PCDH7: variants seen among roughly 807,000 people sequenced by gnomAD.
PCDH7 encodes the protein protocadherin 7.
In PCDH7, 17 loss-of-function variants were observed where a neutral mutation model predicts 58.9. The observed-to-expected ratio is 0.29, with a 90% CI of 0.20 to 0.43. The LOEUF (loss-of-function observed/expected upper bound fraction) is 0.43, where lower values mean the gene tolerates loss of function less well. Among genes scored for constraint, PCDH7 ranks in the 20% least tolerant of loss-of-function variants. The pLI is 1.00. For missense variants in PCDH7, 1,274 were observed against 1,441.0 expected (o/e 0.88, Z 1.88); for synonymous variants, 664 against 616.4 (o/e 1.08, Z -1.14).
intron 1 of PCDH7, among the ~76,000 whole-genome samples, chr4:30,775,004 A>G (rs1174908259): frequency 1.3e-5 from 2 of 152,208 alleles, no homozygotes; most frequent in African/African-American, 4.8e-5. Flanking sequence ...TTTGTTTTAT[A>G]GAATTTAACT....
intron 1 of PCDH7, among the ~76,000 whole-genome samples, chr4:30,797,953 G>T (rs906671962): frequency 6.6e-6 from 1 of 152,136 alleles, no homozygotes; most frequent in Non-Finnish European, 1.5e-5. Context: ...ACGTGAATCT[G>T]TAACAAATCA....
In PCDH7 at chr4:30,783,537, A is replaced by G. The variant is rs545328704; in HGVS notation, c.70+58941A>G. ...ATAGTGCATGATTTAGTATTGAAGC[A>G]TACCTAATAAAAATAAGAAGAAAAA... On this transcript the variant is annotated intron_variant, in intron 1 of 3. Coordinates refer to the PCDH7 transcript ENST00000509759. Among the ~76,000 whole-genome samples the G allele has an allele frequency of 7.9e-5, 12 of 152,360 alleles. No homozygotes were observed. The East Asian group carries it at 2.1e-3, about 27-fold the overall frequency.
chr4:30,950,790 C>T (rs1578395838), intron 3 of PCDH7, among the ~76,000 whole-genome samples: 3 of 152,184 alleles, frequency 2.0e-5, no homozygotes, highest in South Asian at 4.1e-4. Context: ...CTTTCGTCAA[C>T]TCAGCTGGTG....
At chr4:31,001,619 C>A (rs1752372636) in intron 3 of PCDH7, among the ~76,000 whole-genome samples, 1 of 152,062 alleles carries the variant, frequency 6.6e-6, no homozygotes, top group African/African-American at 2.4e-5. Context: ...GGTTGACACA[C>A]TCATTTATAA....
chr4:30,999,151 A>G (rs1752145424), intron 3 of PCDH7, among the ~76,000 whole-genome samples: 1 of 152,126 alleles, frequency 6.6e-6, no homozygotes, highest in Admixed American at 6.6e-5. Flanking sequence ...GGCCGTGAAT[A>G]CTAATTGTGT....
chr4:30,817,012 T>C (rs1383417578), intron 1 of PCDH7, among the ~76,000 whole-genome samples: 2 of 152,170 alleles, frequency 1.3e-5, no homozygotes, highest in Non-Finnish European at 2.9e-5. Flanking sequence ...ACTGGTCATA[T>C]CAAGAGAAGT....
intron 3 of PCDH7, among the ~76,000 whole-genome samples, chr4:31,037,337 T>A (rs1262581977): frequency 6.6e-6 from 1 of 152,224 alleles, no homozygotes; most frequent in African/African-American, 2.4e-5. Context: ...AATATTTTGC[T>A]TAATTATTAG....
At chr4:30,960,037 A>G (rs1208799743) in intron 3 of PCDH7, among the ~76,000 whole-genome samples, 3 of 151,016 alleles carry the variant, frequency 2.0e-5, no homozygotes, top group Admixed American at 1.3e-4. Flanking sequence ...TAGGTTCCCA[A>G]TGGTTCATGC....
intron 3 of PCDH7, among the ~76,000 whole-genome samples, chr4:31,028,848 A>T (rs929378014): frequency 2.7e-4 from 41 of 152,278 alleles, no homozygotes; most frequent in African/African-American, 8.9e-4. Context: ...GAGATAATAT[A>T]TTTATGAAAA....
At chr4:30,916,984 T>A (rs1052277562) in intron 1 of PCDH7, among the ~76,000 whole-genome samples, 4 of 152,196 alleles carry the variant, frequency 2.6e-5, no homozygotes, top group Admixed American at 2.6e-4. Context: ...TCACGTAAGC[T>A]ATTCTACTTC....
At chr4:31,146,696 ATG>A (rs1166340640), downstream of PCDH7, 3 of 152,158 alleles carry the variant, frequency 2.0e-5, no homozygotes, top group African/African-American at 7.2e-5. Flanking sequence ...CCAACTATTT[ATG>A]AAATACTTTG....
chr4:30,745,402 G>T (rs1717650878), intron 1 of PCDH7, among the ~76,000 whole-genome samples: 1 of 151,620 alleles, frequency 6.6e-6, no homozygotes, highest in East Asian at 1.9e-4. Flanking sequence ...CACTTATCAT[G>T]TGTCCTATTA....
chr4:30,757,720 G>A (rs1408002829), intron 1 of PCDH7, among the ~76,000 whole-genome samples: 1 of 152,054 alleles, frequency 6.6e-6, no homozygotes, highest in Non-Finnish European at 1.5e-5. Flanking sequence ...TAATCACTTT[G>A]CATTCCAATT....
At chr4:30,854,550 G>A (rs1408724308) in intron 1 of PCDH7, among the ~76,000 whole-genome samples, 1 of 151,788 alleles carries the variant, frequency 6.6e-6, no homozygotes. Context: ...TGATCTGGTT[G>A]AATCTTCCTA....
chr4:31,020,184 A>G (rs181976133), intron 3 of PCDH7, among the ~76,000 whole-genome samples: 1 of 152,362 alleles, frequency 6.6e-6, no homozygotes, highest in African/African-American at 2.4e-5. Context: ...GCTGAGGATC[A>G]ACATAAACAG....
chr4:30,783,464 T>C (rs915996151), intron 1 of PCDH7, among the ~76,000 whole-genome samples: 3 of 152,234 alleles, frequency 2.0e-5, no homozygotes, highest in African/African-American at 7.2e-5. Flanking sequence ...TTGCCAATTA[T>C]ATGCAAACAC....
intron 3 of PCDH7, among the ~76,000 whole-genome samples, chr4:31,074,599 A>G (rs1195296960): frequency 1.3e-5 from 2 of 150,448 alleles, no homozygotes; most frequent in Non-Finnish European, 2.9e-5. Context: ...CTTGGCTAAC[A>G]TGGTGAAACC....
intron 3 of PCDH7, among the ~76,000 whole-genome samples, chr4:31,002,847 T>A (rs2109139838): frequency 6.6e-6 from 1 of 152,316 alleles, no homozygotes; most frequent in East Asian, 1.9e-4. Flanking sequence ...CTCCATTCCA[T>A]TTATAATCAT....
chr4:31,038,635 G>T (rs1755606979), intron 3 of PCDH7, among the ~76,000 whole-genome samples: 1 of 152,132 alleles, frequency 6.6e-6, no homozygotes, highest in East Asian at 1.9e-4. Context: ...TATATATTCT[G>T]TGACTTGATT....
Sources: allele counts gnomAD v4.1 joint callset (sites outside exome capture counted in the v4.1 genomes callset), GRCh38; gene constraint gnomAD v4.1.1; transcripts MANE v1.5; gene names NCBI Gene and HGNC (gene_info 2026-07-23, HGNC 2026-07-21).